Variants in RNASE7 observed in about 807,000 individuals in gnomAD.
RNASE7 encodes ribonuclease 7.
For missense variants in RNASE7, 184 were observed against 191.5 expected, an observed-to-expected ratio of 0.96 and a Z score of 0.23; for synonymous variants, 80 against 77.5, an observed-to-expected ratio of 1.03 and a Z score of -0.17.
Position 21,042,962 on chromosome 14 carries a change from C to A in RNASE7, c.-31C>A. 1 of 1,585,828 alleles carries A rather than the reference C, an allele frequency of 6.3e-7. No individual in the cohort carries two copies. The highest frequency in any genetic ancestry group is 8.6e-7 in the Non-Finnish European group (1 of 1,163,550). Reference sequence around the variant, plus strand: ...AACACCTCTGTCCCAGCGACCCCTGCCCTCCATCCTGACTGCTCCTCCTAA... The same window carrying A: ...AACACCTCTGTCCCAGCGACCCCTGACCTCCATCCTGACTGCTCCTCCTAA... On this transcript the variant is annotated 5_prime_UTR_variant, in exon 2 of 2. Transcript: ENST00000298690.
intron 1 of RNASE7, 133 bp from the exon 2 acceptor site, chr14:21,042,820 T>C: frequency 3.2e-6 from 2 of 615,548 alleles, no homozygotes; most frequent in East Asian, 2.8e-5. Context: ...GCAGTGGATG[T>C]GGACACACAG....
At position 21,044,193 on chromosome 14, in the gene RNASE7, C is replaced by G. The variant is rs1885041782; in HGVS notation, c.*730C>G. 1 of 166,948 alleles carries G rather than the reference C, an allele frequency of 6.0e-6. No homozygotes were observed. The highest frequency in any genetic ancestry group is 1.5e-5 in the Non-Finnish European group (1 of 68,136). The allele number at this position is 166,948 out of a possible 1,614,324, so 10.3% of individuals were successfully genotyped here. ...ACGAGTGCTCTGAAGAGCCAGTTAC[C>G]CTGTGTTGGCTGCAATAAAGGTCAT... On this transcript the variant is annotated 3_prime_UTR_variant, in exon 2 of 2. Transcript: ENST00000298690.
chr14:21,042,742 A>T lies in RNASE7; in HGVS notation c.-40-211A>T, dbSNP rs879053432. ...GGGAGAGGACAAAGAGTGACAGGCA[A>T]CAGGGACAGAATGAAGGGAACAGAA... On this transcript the variant is annotated intron_variant, in intron 1 of 1. Transcript: ENST00000298690. Among the ~76,000 whole-genome samples, 8 of 152,296 alleles carry T rather than the reference A, an allele frequency of 5.3e-5. No homozygotes were observed. In the South Asian group the frequency reaches 1.7e-3, roughly 32 times the overall value.
rs373061810 is a variant in RNASE7, at chr14:21,042,954, G to T, written c.-39G>T. On this transcript the variant is annotated splice_region_variant and 5_prime_UTR_variant, in exon 2 of 2. Coordinates refer to ENST00000298690, the MANE Select transcript of RNASE7 (RefSeq NM_032572.4). The stretch of plus-strand genomic sequence containing the variant: ...CTCAACTGAACACCTCTGTCCCAGC[G>T]ACCCCTGCCCTCCATCCTGACTGCT... The T allele has an allele frequency of 1.3e-6, 2 of 1,569,378 alleles. No homozygotes were observed. Among genetic ancestry groups the T allele is most frequent in the African/African-American group, 2.7e-5 (2 of 73,810 alleles).
In RNASE7 at chr14:21,043,140, G is replaced by T. The variant is rs1884984048; in HGVS notation, c.148G>T (p.Ala50Ser). The change falls in exon 2 of 2, where the codon GCA (alanine) becomes TCA (serine). Residue 50 changes from alanine (A) to serine (S), a missense_variant. Physicochemically the swap from Ala to Ser is moderately conservative, Grantham distance 99. Coordinates refer to ENST00000298690, the MANE Select transcript of RNASE7 (RefSeq NM_032572.4). ...KIQHMQPSPQ[A>S]CNSAMKNINK... ...TCAGCACATGCAGCCCAGCCCTCAA[G>T]CATGCAACTCAGCCATGAAAAACAT... The T allele has an allele frequency of 1.2e-6, 2 of 1,614,182 alleles. No homozygotes were observed. Among genetic ancestry groups the T allele is most frequent in the African/African-American group, 2.7e-5 (2 of 75,040 alleles).
At position 21,044,021 on chromosome 14, in the gene RNASE7, T is replaced by C. The variant is rs1274407330; in HGVS notation, c.*558T>C. The C allele has an allele frequency of 1.2e-5, 2 of 168,782 alleles. No homozygotes were observed. The highest frequency in any genetic ancestry group is 6.4e-5 in the Admixed American group (1 of 15,606). 10.5% of individuals were successfully genotyped at this position (168,782 alleles called of 1,614,324 possible). ...AAAGCTTAATGAATTAAAGAGCTTG[T>C]CTAATTAGTTAGTAGCAGAACCTGG... On this transcript the variant is annotated 3_prime_UTR_variant, in exon 2 of 2. Coordinates refer to ENST00000298690, the MANE Select transcript of RNASE7 (RefSeq NM_032572.4).
Position 21,043,118 on chromosome 14 carries a change from G to A in RNASE7, c.126G>A (p.Gln42=), listed in dbSNP as rs1270348497. ...GMTSSQWFKI[Q]HMQPSPQACN... ...CCTCATCACAGTGGTTTAAAATTCA[G>A]CACATGCAGCCCAGCCCTCAAGCAT... The change falls in exon 2 of 2, where the codon CAG becomes CAA. Residue 42 remains glutamine (Q), a synonymous_variant. Transcript: ENST00000298690. The A allele has an allele frequency of 1.2e-6, 2 of 1,614,010 alleles. No individual in the cohort carries two copies. Among genetic ancestry groups the A allele is most frequent in the Admixed American group, 3.3e-5 (2 of 59,988 alleles).
intron 1 of RNASE7, 114 bp downstream of exon 1, chr14:21,042,556 A>C: frequency 5.3e-6 from 1 of 188,360 alleles, no homozygotes; most frequent in South Asian, 1.0e-4. Flanking sequence ...GACTGGATTT[A>C]GGGGAGATGA....
At position 21,043,509 on chromosome 14, in the gene RNASE7, C is replaced by T. The variant is rs200507965; in HGVS notation, c.*46C>T. The T allele has an allele frequency of 7.9e-6, 10 of 1,272,610 alleles. No homozygotes were observed. The East Asian group carries it at 1.8e-4, about 23-fold the overall frequency. 78.8% of individuals were successfully genotyped at this position (1,272,610 alleles called of 1,614,324 possible). On this transcript the variant is annotated 3_prime_UTR_variant, in exon 2 of 2. Coordinates refer to ENST00000298690, the MANE Select transcript of RNASE7 (RefSeq NM_032572.4). ...TTTGGCTGACCTTCAATTCCCTCTC[C>T]AGGACTCCGCACCACTCCCCTACAC... is the stretch of plus-strand genomic sequence containing the variant.
In RNASE7 at chr14:21,043,120, A is replaced by G; in HGVS notation, c.128A>G (p.His43Arg). The change falls in exon 2 of 2, where the codon CAC becomes CGC. Residue 43 changes from histidine (H) to arginine (R), a missense_variant. Transcript: ENST00000298690. ...TCATCACAGTGGTTTAAAATTCAGCACATGCAGCCCAGCCCTCAAGCATGC... is the reference window on the plus strand; with the variant it reads ...TCATCACAGTGGTTTAAAATTCAGCGCATGCAGCCCAGCCCTCAAGCATGC... ...MTSSQWFKIQHMQPSPQACNS... is the reference protein window; with the variant it reads ...MTSSQWFKIQRMQPSPQACNS... 2 of 1,614,190 alleles carry G rather than the reference A, an allele frequency of 1.2e-6. No individual in the cohort carries two copies. The highest frequency in any genetic ancestry group is 1.7e-6 in the Non-Finnish European group (2 of 1,180,038).
chr14:21,043,491 G>A lies in RNASE7; in HGVS notation c.*28G>A. On this transcript the variant is annotated 3_prime_UTR_variant, in exon 2 of 2. Coordinates refer to ENST00000298690, the MANE Select transcript of RNASE7 (RefSeq NM_032572.4). ...TTCCAGACTGGCTTGCTCTTTGGCT[G>A]ACCTTCAATTCCCTCTCCAGGACTC... The A allele has an allele frequency of 6.7e-7, 1 of 1,486,802 alleles. No individual in the cohort carries two copies. Among genetic ancestry groups the A allele is most frequent in the East Asian group, 2.3e-5 (1 of 44,320 alleles). 92.1% of individuals were successfully genotyped at this position (1,486,802 alleles called of 1,614,324 possible).
Position 21,042,972 on chromosome 14 carries a change from T to C in RNASE7, c.-21T>C. 1 of 1,601,844 alleles carries C rather than the reference T, an allele frequency of 6.2e-7. No individual in the cohort carries two copies. Among genetic ancestry groups the C allele is most frequent in the East Asian group, 2.2e-5 (1 of 44,742 alleles). On this transcript the variant is annotated 5_prime_UTR_variant, in exon 2 of 2. Coordinates refer to ENST00000298690, the MANE Select transcript of RNASE7 (RefSeq NM_032572.4). ...TCCCAGCGACCCCTGCCCTCCATCC[T>C]GACTGCTCCTCCTAAGAGAGATGGC... is the stretch of plus-strand genomic sequence containing the variant.
In RNASE7 at chr14:21,043,272, G is replaced by A. The variant is rs746183803; in HGVS notation, c.280G>A (p.Asp94Asn). Residue 94 changes from aspartate (D) to asparagine (N), a missense_variant, in exon 2 of 2, where the codon GAT becomes AAT. By Grantham distance (23) the Asp-to-Asn change is conservative. Transcript: ENST00000298690. ...QTPKIACKNG[D>N]KNCHQSHGAV... ...CCCCAAAATAGCCTGCAAGAATGGCGATAAAAACTGCCACCAGAGCCACGG... is the reference window on the plus strand; with the variant it reads ...CCCCAAAATAGCCTGCAAGAATGGCAATAAAAACTGCCACCAGAGCCACGG... 7.5e-5 allele frequency: 121 copies of A among 1,614,062 alleles called. No homozygotes were observed. Among genetic ancestry groups the A allele is most frequent in the Admixed American group, 2.7e-4 (16 of 59,996 alleles).
chr14:21,043,299 G>C lies in RNASE7; in HGVS notation c.307G>C (p.Ala103Pro), dbSNP rs1263872. The C allele has an allele frequency of 0.88, 1,412,388 of 1,614,130 alleles. 619,720 individuals are homozygous for C. The highest frequency in any genetic ancestry group is 0.92 in the Admixed American group (55,281 of 60,028). Reference protein sequence around the residue: ...GDKNCHQSHGAVSLTMCKLTS... With the variant: ...GDKNCHQSHGPVSLTMCKLTS... ...TAAAAACTGCCACCAGAGCCACGGGGCCGTGTCCCTGACCATGTGTAAGCT... is the reference window on the plus strand; with the variant it reads ...TAAAAACTGCCACCAGAGCCACGGGCCCGTGTCCCTGACCATGTGTAAGCT... The change falls in exon 2 of 2, where the codon GCC becomes CCC. Residue 103 changes from alanine (A) to proline (P), a missense_variant. Coordinates refer to ENST00000298690, the MANE Select transcript of RNASE7 (RefSeq NM_032572.4).
chr14:21,043,083 AAGGG>A lies in RNASE7; in HGVS notation c.92_95del (p.Lys31ThrfsTer2). On this transcript the variant is annotated frameshift_variant, in exon 2 of 2. Coordinates refer to ENST00000298690, the MANE Select transcript of RNASE7 (RefSeq NM_032572.4). LOFTEE classifies it low-confidence loss of function (END_TRUNC). ...AGAGATCCCAGTCAGTGCCAAGCCC[AAGGG>A]CATGACCTCATCACAGTGGTTTAAA... 6.2e-7 allele frequency: 1 copy of A among 1,614,220 alleles called. No homozygotes were observed. The highest frequency in any genetic ancestry group is 8.5e-7 in the Non-Finnish European group (1 of 1,180,036).
At position 21,043,641 on chromosome 14, in the gene RNASE7, T is replaced by TC. The variant is rs1482164234; in HGVS notation, c.*179dup. On this transcript the variant is annotated 3_prime_UTR_variant, in exon 2 of 2. Coordinates refer to ENST00000298690, the MANE Select transcript of RNASE7 (RefSeq NM_032572.4). ...AGCTGAGCTCTAGAGGGATGGCTTT[T>TC]CATCTTTTTGTTGCTGTTTTCCCAG... 3.4e-6 allele frequency: 2 copies of TC among 580,514 alleles called. No individual in the cohort carries two copies. The highest frequency in any genetic ancestry group is 6.9e-5 in the Admixed American group (2 of 28,800). 36.0% of individuals were successfully genotyped at this position (580,514 alleles called of 1,614,324 possible).
rs1286111548 is a variant in RNASE7 at position 21,043,527 on chromosome 14, C to T, written c.*64C>T. ...CCCTCTCCAGGACTCCGCACCACTCCCCTACACCCAGAGCATTCTCTTCCC... is the reference window on the plus strand; with the variant it reads ...CCCTCTCCAGGACTCCGCACCACTCTCCTACACCCAGAGCATTCTCTTCCC... On this transcript the variant is annotated 3_prime_UTR_variant, in exon 2 of 2. Coordinates refer to ENST00000298690, the MANE Select transcript of RNASE7 (RefSeq NM_032572.4). 2.6e-5 allele frequency: 28 copies of T among 1,083,048 alleles called. No individual in the cohort carries two copies. The Middle Eastern group carries it at 9.3e-4, about 36-fold the overall frequency. 67.1% of individuals were successfully genotyped at this position (1,083,048 alleles called of 1,614,324 possible). A position where few individuals can be genotyped will look rare whatever the true frequency, so the allele number is the denominator to read the frequency against.
chr14:21,043,258 C>T lies in RNASE7; in HGVS notation c.266C>T (p.Ala89Val). ...GCCACCTGCCAGACCCCCAAAATAGCCTGCAAGAATGGCGATAAAAACTGC... is the reference window on the plus strand; with the variant it reads ...GCCACCTGCCAGACCCCCAAAATAGTCTGCAAGAATGGCGATAAAAACTGC... ...VAATCQTPKI[A>V]CKNGDKNCHQ... The change falls in exon 2 of 2, where the codon GCC becomes GTC. Residue 89 changes from alanine to valine, a missense_variant. Physicochemically the swap from Ala to Val is moderately conservative, Grantham distance 64. Coordinates refer to ENST00000298690, the MANE Select transcript of RNASE7 (RefSeq NM_032572.4). 6.2e-7 allele frequency: 1 copy of T among 1,614,228 alleles called. No homozygotes were observed. Among genetic ancestry groups the T allele is most frequent in the Non-Finnish European group, 8.5e-7 (1 of 1,180,050 alleles).
rs565116292 is a variant in RNASE7 at position 21,043,572 on chromosome 14, C to G, written c.*109C>G. On this transcript the variant is annotated 3_prime_UTR_variant, in exon 2 of 2. Coordinates refer to ENST00000298690, the MANE Select transcript of RNASE7 (RefSeq NM_032572.4). ...CTTCCCCTCATCTCTTGGGGCTGTT[C>G]CTGGTTCAGCCTCTGCTGGGAGGCT... 2 of 760,172 alleles carry G rather than the reference C, an allele frequency of 2.6e-6. No homozygotes were observed. Among genetic ancestry groups the G allele is most frequent in the African/African-American group, 3.5e-5 (2 of 56,726 alleles). The allele number at this position is 760,172 out of a possible 1,614,324, so 47.1% of individuals were successfully genotyped here.
Sources: allele counts gnomAD v4.1 joint callset (sites outside exome capture counted in the v4.1 genomes callset), GRCh38; gene constraint gnomAD v4.1.1; transcripts MANE v1.5; gene names NCBI Gene and HGNC (gene_info 2026-07-23, HGNC 2026-07-21).